NRG1: variants seen among roughly 807,000 people sequenced by gnomAD.
NRG1 encodes neuregulin 1, also known as pro-neuregulin-1, membrane-bound isoform.
NRG1 carries 18 observed loss-of-function variants against 63.8 expected under a neutral mutation model. The ratio of observed to expected loss-of-function variants is 0.28; its 90% CI spans 0.19 to 0.42. The LOEUF (loss-of-function observed/expected upper bound fraction) is 0.42, where lower values mean the gene tolerates loss of function less well. Ranked by LOEUF, NRG1 falls within the 10% of genes least tolerant of loss-of-function variation. The pLI is 1.00. For missense variants in NRG1, 762 were observed against 814.7 expected (o/e 0.94, Z 0.79); for synonymous variants, 302 against 301.3 (o/e 1.00, Z -0.02).
intron 1 of NRG1, among the ~76,000 whole-genome samples, chr8:32,209,776 T>TCCTC (rs1168095672): frequency 6.8e-6 from 1 of 147,884 alleles, no homozygotes; most frequent in African/African-American, 2.6e-5. Context: ...CTTCCTTCCT[T>TCCTC]CTTACTTTCT....
chr8:32,206,417 CAG>C (rs756124419), intron 1 of NRG1, among the ~76,000 whole-genome samples: 7 of 152,152 alleles, frequency 4.6e-5, no homozygotes, highest in Non-Finnish European at 8.8e-5. Context: ...AAGGGAAAAA[CAG>C]AGATTATTGG....
intron 1 of NRG1, among the ~76,000 whole-genome samples, chr8:32,502,034 AC>A (rs1424944098): frequency 1.3e-5 from 2 of 152,176 alleles, no homozygotes; most frequent in Admixed American, 6.5e-5. Context: ...TCAATACACT[AC>A]TGTATTAGTC....
chr8:31,713,658 G>A (rs1812054283), intron 1 of NRG1, among the ~76,000 whole-genome samples: 1 of 151,558 alleles, frequency 6.6e-6, no homozygotes, highest in South Asian at 2.1e-4. Context: ...AGCATTGCAG[G>A]GTGCCACACA....
chr8:32,126,466 G>T (rs191105118), intron 1 of NRG1, among the ~76,000 whole-genome samples: 1 of 152,006 alleles, frequency 6.6e-6, no homozygotes, highest in East Asian at 1.9e-4. Flanking sequence ...CTCCCAAAGA[G>T]TACCAAGGGA....
At chr8:32,693,551 C>T (rs1437418187) in intron 5 of NRG1, among the ~76,000 whole-genome samples, 1 of 68,026 alleles carries the variant, frequency 1.5e-5, no homozygotes, top group Non-Finnish European at 3.1e-5. Context: ...TTTTCATTTC[C>T]AAAAAAAAAA....
At chr8:32,694,464 G>GT (rs977388618) in intron 5 of NRG1, among the ~76,000 whole-genome samples, 8 of 151,986 alleles carry the variant, frequency 5.3e-5, no homozygotes, top group African/African-American at 1.9e-4. Flanking sequence ...TCTTTATTGT[G>GT]TTTTTTCTTC....
intron 3 of NRG1, among the ~76,000 whole-genome samples, chr8:32,612,950 T>G (rs1414775527): frequency 6.6e-6 from 1 of 152,090 alleles, no homozygotes; most frequent in Non-Finnish European, 1.5e-5. Flanking sequence ...CTAATATAGT[T>G]TCTTTGAGAT....
chr8:31,870,945 T>C (rs1829424051), intron 1 of NRG1, among the ~76,000 whole-genome samples: 1 of 152,148 alleles, frequency 6.6e-6, no homozygotes. Flanking sequence ...GGAGTACGTG[T>C]TAGTAGCTGA....
At chr8:32,190,342 A>G (rs1045413991) in intron 1 of NRG1, among the ~76,000 whole-genome samples, 3 of 152,066 alleles carry the variant, frequency 2.0e-5, no homozygotes, top group Non-Finnish European at 4.4e-5. Flanking sequence ...TAGCCAAATT[A>G]TCATATTAAT....
intron 1 of NRG1, among the ~76,000 whole-genome samples, chr8:31,868,139 A>G (rs960540772): frequency 7.8e-6 from 1 of 128,608 alleles, no homozygotes; most frequent in Non-Finnish European, 1.6e-5. Context: ...ACACACACAC[A>G]TACATCTTAC....
intron 1 of NRG1, among the ~76,000 whole-genome samples, chr8:32,495,279 C>T (rs540846824): frequency 6.3e-4 from 96 of 152,238 alleles, no homozygotes; most frequent in Non-Finnish European, 2.2e-4. Context: ...ATAAGTCTCA[C>T]GAGATCTGGT....
At chr8:32,507,676 G>A (rs1372200395) in intron 1 of NRG1, among the ~76,000 whole-genome samples, 1 of 152,196 alleles carries the variant, frequency 6.6e-6, no homozygotes, top group Non-Finnish European at 1.5e-5. Context: ...AAGTAACTTG[G>A]TAGTACTTAT....
intron 1 of NRG1, among the ~76,000 whole-genome samples, chr8:31,912,122 T>A (rs138930521): frequency 6.6e-6 from 1 of 152,220 alleles, no homozygotes; most frequent in South Asian, 2.1e-4. Flanking sequence ...TAATGATACC[T>A]TATTTTTATT....
At chr8:31,804,683 C>A (rs1013366227) in intron 1 of NRG1, among the ~76,000 whole-genome samples, 2 of 152,146 alleles carry the variant, frequency 1.3e-5, no homozygotes, top group African/African-American at 4.8e-5. Context: ...TTGAAGCTGA[C>A]TTTTTTCTTC....
At chr8:32,591,631 C>A (rs1172585859) in intron 1 of NRG1, among the ~76,000 whole-genome samples, 1 of 151,964 alleles carries the variant, frequency 6.6e-6, no homozygotes, top group African/African-American at 2.4e-5. Context: ...ATACCGCTTG[C>A]AGAATTTAAA....
chr8:32,626,695 A>C (rs1185225923), intron 5 of NRG1, among the ~76,000 whole-genome samples: 1 of 151,866 alleles, frequency 6.6e-6, no homozygotes, highest in African/African-American at 2.4e-5. Flanking sequence ...GAAAAAAAAA[A>C]ATAGAGAAGC....
chr8:32,746,227 G>GA (rs368789514), intron 7 of NRG1, among the ~76,000 whole-genome samples: 6 of 151,058 alleles, frequency 4.0e-5, no homozygotes, highest in South Asian at 4.2e-4. Context: ...TGGCATATGT[G>GA]AAAAAAAACA....
intron 11 of NRG1, among the ~76,000 whole-genome samples, chr8:32,762,059 A>AAAAAAAAACAAAC (rs1162893361): frequency 2.7e-5 from 4 of 148,180 alleles, no homozygotes; most frequent in African/African-American, 7.8e-5. Context: ...AAAAAAAAAA[A>AAAAAAAAACAAAC]ACATTCTGGA....
upstream of NRG1, among the ~76,000 whole-genome samples, chr8:32,545,482 T>C (rs892845204): frequency 6.6e-6 from 1 of 152,124 alleles, no homozygotes; most frequent in Non-Finnish European, 1.5e-5. Flanking sequence ...TTGGGTTTTT[T>C]TTTTAAAGCA....
Sources: allele counts gnomAD v4.1 joint callset (sites outside exome capture counted in the v4.1 genomes callset), GRCh38; gene constraint gnomAD v4.1.1; transcripts MANE v1.5; gene names NCBI Gene and HGNC (gene_info 2026-07-23, HGNC 2026-07-21).